The following FRMD4A variants were observed in gnomAD, a reference collection of about 807,000 sequenced individuals.
The protein encoded by FRMD4A is FERM domain-containing protein 4A.
Under a neutral mutation model 129.1 loss-of-function variants are expected in FRMD4A, and 29 were observed. That is an observed-to-expected ratio of 0.22 (90% CI 0.17 to 0.31). The LOEUF is 0.31. Ranked by LOEUF, FRMD4A falls within the 10% of genes least tolerant of loss-of-function variation. FRMD4A has a pLI of 1.00. For synonymous variants in FRMD4A, 634 were observed against 571.6 expected (o/e 1.11, Z -1.56); for missense variants, 1,272 against 1,375.8 (o/e 0.92, Z 1.19).
chr10:14,141,311 A>G (rs990333945), intron 2 of FRMD4A, among the ~76,000 whole-genome samples: 4 of 152,140 alleles, frequency 2.6e-5, no homozygotes, highest in African/African-American at 9.7e-5. Flanking sequence ...CACAATAGGC[A>G]TTTTTATCAT....
At chr10:13,876,624 A>T (rs1218104812) in intron 2 of FRMD4A, among the ~76,000 whole-genome samples, 13 of 152,102 alleles carry the variant, frequency 8.5e-5, no homozygotes, top group Admixed American at 7.9e-4. Flanking sequence ...ATGAAATTTT[A>T]AAAAAATTTT....
At chr10:13,680,005 G>C (rs768206034) in intron 15 of FRMD4A, among the ~76,000 whole-genome samples, 1 of 152,160 alleles carries the variant, frequency 6.6e-6, no homozygotes, top group Non-Finnish European at 1.5e-5. Flanking sequence ...CCAGCAGGTT[G>C]GTTTTAAAAG....
At chr10:13,751,820 G>A (rs751290701) in intron 8 of FRMD4A, among the ~76,000 whole-genome samples, 14 of 152,148 alleles carry the variant, frequency 9.2e-5, no homozygotes, top group Admixed American at 2.6e-4. Context: ...AGACCAGCCT[G>A]GGCAACATAG....
At chr10:14,201,728 T>G (rs1272218593) in intron 2 of FRMD4A, among the ~76,000 whole-genome samples, 1 of 152,208 alleles carries the variant, frequency 6.6e-6, no homozygotes, top group African/African-American at 2.4e-5. Flanking sequence ...TTGATGCTTC[T>G]CTGGAGCTGT....
In FRMD4A at chr10:13,644,705, C is replaced by T. The variant is rs2081012608; in HGVS notation, c.*2333G>A. Reference sequence around the variant, plus strand: ...GCTACCTTTTCCCTTTTGACTTTTCCTGTTGCACACAGTTCAGTCTGACTA... The same window carrying T: ...GCTACCTTTTCCCTTTTGACTTTTCTTGTTGCACACAGTTCAGTCTGACTA... On this transcript the variant is annotated 3_prime_UTR_variant, in exon 25 of 25. Transcript: ENST00000357447. 3 of 152,212 alleles carry T rather than the reference C, an allele frequency of 2.0e-5. No homozygotes were observed. The South Asian group carries it at 6.2e-4, about 32-fold the overall frequency. 9.4% of individuals were successfully genotyped at this position (152,212 alleles called of 1,614,324 possible).
chr10:13,744,362 G>C (rs866537855), intron 9 of FRMD4A, among the ~76,000 whole-genome samples: 4 of 152,132 alleles, frequency 2.6e-5, no homozygotes, highest in Non-Finnish European at 5.9e-5. Flanking sequence ...CAGGGAAATC[G>C]CACGGTGTGA....
intron 14 of FRMD4A, 21 bp from the exon 15 acceptor site, chr10:13,694,060 G>T: frequency 6.7e-7 from 1 of 1,499,022 alleles, no homozygotes; most frequent in Non-Finnish European, 8.9e-7. Context: ...AAGGGAAGCA[G>T]GTCAAAGAAG....
In FRMD4A at chr10:13,907,065, C is replaced by T. The variant is rs141568334; in HGVS notation, c.46-48153G>A. 7.0e-4 allele frequency among the ~76,000 whole-genome samples: 106 copies of T among 152,248 alleles called. 1 individual carries two copies. The highest frequency in any genetic ancestry group is 2.4e-3 in the African/African-American group (100 of 41,524). On this transcript the variant is annotated intron_variant, in intron 2 of 24. Coordinates refer to ENST00000357447, the MANE Select transcript of FRMD4A (RefSeq NM_018027.5). The stretch of plus-strand genomic sequence containing the variant: ...ACCTTCTCAGGCCCTTGCAGCCCTA[C>T]GTCACTCAGCAAGTCAGTGACAACA...
At chr10:14,164,445 AAGGCTATTC>A (rs1488856027) in intron 2 of FRMD4A, among the ~76,000 whole-genome samples, 1 of 152,188 alleles carries the variant, frequency 6.6e-6, no homozygotes, top group Non-Finnish European at 1.5e-5. Context: ...TGTCTACAGT[AAGGCTATTC>A]AGGTATCAAG....
intron 2 of FRMD4A, among the ~76,000 whole-genome samples, chr10:14,116,569 G>A (rs1838209389): frequency 6.6e-6 from 1 of 152,186 alleles, no homozygotes; most frequent in African/African-American, 2.4e-5. Context: ...GGTGGAGGAA[G>A]CCTTACAATC....
chr10:13,725,429 G>A (rs984035140), intron 12 of FRMD4A, among the ~76,000 whole-genome samples: 2 of 152,184 alleles, frequency 1.3e-5, no homozygotes, highest in African/African-American at 4.8e-5. Context: ...ATTTAGACCT[G>A]CCCCTCTTTA....
At position 13,670,400 on chromosome 10, in the gene FRMD4A, A is replaced by T; in HGVS notation, c.1374+6T>A. The T allele has an allele frequency of 6.2e-7, 1 of 1,612,564 alleles. No individual in the cohort carries two copies. Among genetic ancestry groups the T allele is most frequent in the Non-Finnish European group, 8.5e-7 (1 of 1,179,012 alleles). On this transcript the variant is annotated splice_donor_region_variant and intron_variant, in intron 17 of 24. Transcript: ENST00000357447. ...GAGAATCCAACAACAGAAAGGAAGGACGCACCTCTCCTTTGGGCAGGATTT... is the reference window on the plus strand; with the variant it reads ...GAGAATCCAACAACAGAAAGGAAGGTCGCACCTCTCCTTTGGGCAGGATTT...
intron 8 of FRMD4A, among the ~76,000 whole-genome samples, chr10:13,751,833 A>G (rs2091640205): frequency 6.6e-6 from 1 of 152,142 alleles, no homozygotes; most frequent in Non-Finnish European, 1.5e-5. Context: ...CAACATAGCA[A>G]GACTCCATCT....
intron 2 of FRMD4A, among the ~76,000 whole-genome samples, chr10:14,311,092 G>A (rs1400763276): frequency 3.9e-5 from 6 of 152,028 alleles, no homozygotes; most frequent in Admixed American, 3.3e-4. Flanking sequence ...TGTCCCCAAG[G>A]TGGTGTTTCC....
At chr10:14,214,121 C>T (rs1222105264) in intron 2 of FRMD4A, among the ~76,000 whole-genome samples, 1 of 152,218 alleles carries the variant, frequency 6.6e-6, no homozygotes, top group African/African-American at 2.4e-5. Flanking sequence ...CCATGTGGAA[C>T]TGTGAGTCCG....
chr10:14,199,239 A>AT (rs1842559496), intron 2 of FRMD4A, among the ~76,000 whole-genome samples: 1 of 151,410 alleles, frequency 6.6e-6, no homozygotes, highest in African/African-American at 2.4e-5. Flanking sequence ...CTTATTCTTT[A>AT]TCATTTTGCA....
chr10:14,013,073 A>AT (rs2095687470), intron 2 of FRMD4A, among the ~76,000 whole-genome samples: 1 of 152,092 alleles, frequency 6.6e-6, no homozygotes, highest in Non-Finnish European at 1.5e-5. Flanking sequence ...GGGGCAAAGG[A>AT]TGGTGAGCTG....
chr10:14,127,978 CCT>C (rs764820621), intron 2 of FRMD4A, among the ~76,000 whole-genome samples: 17,077 of 46,162 alleles, frequency 0.37, 2,852 homozygotes, highest in East Asian at 0.4. Flanking sequence ...TTCTTTCTTT[CCT>C]TCTCTCTCTC....
chr10:13,657,416 T>G lies in FRMD4A; in HGVS notation c.2173A>C (p.Thr725Pro). 1 of 1,612,872 alleles carries G rather than the reference T, an allele frequency of 6.2e-7. No homozygotes were observed. The highest frequency in any genetic ancestry group is 8.5e-7 in the Non-Finnish European group (1 of 1,179,876). Residue 725 changes from threonine (T) to proline (P), a missense_variant, in exon 22 of 25, where the codon ACC becomes CCC. Thr to Pro is a conservative substitution (Grantham distance 38). This residue lies in a region of FRMD4A where 972 missense variants were observed against 892.3 expected (regional missense o/e 1.09). Transcript: ENST00000357447. ...QGKLLGSENDTGSPDFYTPRT... is the reference protein window; with the variant it reads ...QGKLLGSENDPGSPDFYTPRT... ...GGGGTGTAGAAGTCGGGGCTCCCGG[T>G]GTCGTTTTCCGAGCCCAGGAGCTTG...
Sources: gnomAD v4.1 joint callset for allele counts (sites outside exome capture counted in the v4.1 genomes callset) on GRCh38, gnomAD v4.1.1 for gene constraint, gnomAD v4.1.1 regional missense constraint, MANE v1.5 for transcripts, NCBI Gene and HGNC (gene_info 2026-07-23, HGNC 2026-07-21) for gene names.